STMN2: variants seen among roughly 807,000 people sequenced by gnomAD.
STMN2 encodes stathmin-2.
A neutral mutation model predicts 24.1 loss-of-function variants in STMN2; 2 were observed. The observed-to-expected ratio is 0.08, with a 90% CI of 0.03 to 0.26. The LOEUF (loss-of-function observed/expected upper bound fraction) is 0.26. Among genes scored for constraint, STMN2 ranks in the 10% least tolerant of loss-of-function variants. STMN2 has a pLI of 1.00. For missense variants in STMN2, 114 were observed against 213.6 expected, an observed-to-expected ratio of 0.53 and a Z score of 2.91; for synonymous variants, 83 against 77.5, an observed-to-expected ratio of 1.07 and a Z score of -0.37.
chr8:79,648,777 T>G (rs1810272430), intron 3 of STMN2, among the ~76,000 whole-genome samples: 1 of 152,168 alleles, frequency 6.6e-6, no homozygotes, highest in South Asian at 2.1e-4. Context: ...TTTTTAAATA[T>G]TATAAAATAT....
chr8:79,632,171 A>G (rs1336817201), intron 1 of STMN2, among the ~76,000 whole-genome samples: 1 of 152,176 alleles, frequency 6.6e-6, no homozygotes, highest in Non-Finnish European at 1.5e-5. Flanking sequence ...CTGCCTGGAA[A>G]TGACAGGGGT....
At chr8:79,616,339 A>G (rs1418914470) in intron 1 of STMN2, among the ~76,000 whole-genome samples, 1 of 152,278 alleles carries the variant, frequency 6.6e-6, no homozygotes, top group African/African-American at 2.4e-5. Flanking sequence ...GAAGAAATAT[A>G]TAAGTATAAA....
intron 4 of STMN2, among the ~76,000 whole-genome samples, chr8:79,658,151 G>C (rs186247299): frequency 6.6e-6 from 1 of 152,234 alleles, no homozygotes; most frequent in African/African-American, 2.4e-5. Context: ...TTAGCCAGCA[G>C]TGGTGGCACA....
chr8:79,638,260 A>C (rs1445130620), intron 2 of STMN2, among the ~76,000 whole-genome samples: 6 of 152,210 alleles, frequency 3.9e-5, no homozygotes, highest in African/African-American at 1.4e-4. Context: ...TAGAACACAG[A>C]GTGGTTAGGA....
intron 1 of STMN2, among the ~76,000 whole-genome samples, chr8:79,619,947 T>C (rs1180118654): frequency 6.6e-6 from 1 of 151,760 alleles, no homozygotes; most frequent in African/African-American, 2.4e-5. Context: ...GACTAAAAAA[T>C]GTTCAAAAGA....
At chr8:79,618,207 C>A (rs1317149554) in intron 1 of STMN2, among the ~76,000 whole-genome samples, 1 of 152,154 alleles carries the variant, frequency 6.6e-6, no homozygotes, top group African/African-American at 2.4e-5. Flanking sequence ...CAAATTGATG[C>A]CTAGTTTTAA....
intron 1 of STMN2, among the ~76,000 whole-genome samples, chr8:79,630,893 T>C (rs1010796410): frequency 2.9e-5 from 4 of 135,622 alleles, no homozygotes; most frequent in African/African-American, 1.2e-4. Flanking sequence ...TTTAGGAGCT[T>C]AGGGGGATAA....
intron 2 of STMN2, among the ~76,000 whole-genome samples, chr8:79,637,663 TC>T (rs1387405273): frequency 2.0e-5 from 3 of 152,194 alleles, no homozygotes; most frequent in Non-Finnish European, 4.4e-5. Context: ...ATTATATCAC[TC>T]TACAATGATA....
intron 2 of STMN2, among the ~76,000 whole-genome samples, chr8:79,638,625 T>C (rs1167896271): frequency 6.6e-6 from 1 of 152,226 alleles, no homozygotes; most frequent in African/African-American, 2.4e-5. Flanking sequence ...AAGCACTAAG[T>C]ATATGGCTTG....
chr8:79,665,236 A>G lies in STMN2; in HGVS notation c.*362A>G, dbSNP rs1806576766. ...AGGTCTGTTCTTTTTGAAGCTCCCC[A>G]TGTCTAACTCCATTCCAAAAGAAAA... is the stretch of plus-strand genomic sequence containing the variant. On this transcript the variant is annotated 3_prime_UTR_variant, in exon 5 of 5. Transcript: ENST00000220876. 5.8e-6 allele frequency: 1 copy of G among 173,214 alleles called. No homozygotes were observed. The highest frequency in any genetic ancestry group is 1.3e-4 in the South Asian group (1 of 7,878). The allele number at this position is 173,214 out of a possible 1,614,324, so 10.7% of individuals were successfully genotyped here.
In STMN2 at chr8:79,664,819, G is replaced by A. The variant is rs779040816; in HGVS notation, c.485G>A (p.Arg162Lys). 2.5e-6 allele frequency: 4 copies of A among 1,612,530 alleles called. No individual in the cohort carries two copies. The highest frequency in any genetic ancestry group is 2.2e-5 in the South Asian group (2 of 90,970). ...TCTTCCTTTTGTGTTTTTTAGGAGA[G>A]GCATGCTGCGGAGGTGCGCAGGAAC... is the stretch of plus-strand genomic sequence containing the variant. ...AIIERLQEKE[R>K]HAAEVRRNKE... Residue 162 changes from arginine (R) to lysine (K), a missense_variant, in exon 5 of 5, where the codon AGG becomes AAG. Coordinates refer to ENST00000220876, the MANE Select transcript of STMN2 (RefSeq NM_007029.4).
At chr8:79,622,574 A>AT (rs1356721466) in intron 1 of STMN2, among the ~76,000 whole-genome samples, 1 of 152,216 alleles carries the variant, frequency 6.6e-6, no homozygotes, top group Non-Finnish European at 1.5e-5. Context: ...ATAGTTAAGC[A>AT]TTTTATCTAG....
At chr8:79,664,721 C>G in intron 4 of STMN2, 94 bp from the exon 5 acceptor site, 1 of 1,182,844 alleles carries the variant, frequency 8.5e-7, no homozygotes, top group Non-Finnish European at 1.2e-6. Flanking sequence ...TAAAAGTAGA[C>G]ACCAAACTGG....
At chr8:79,615,773 T>A (rs1809369611) in intron 1 of STMN2, among the ~76,000 whole-genome samples, 1 of 152,220 alleles carries the variant, frequency 6.6e-6, no homozygotes, top group Non-Finnish European at 1.5e-5. Context: ...CTTGTACAAT[T>A]TTCAAGGAGA....
At chr8:79,615,589 T>G (rs959092231) in intron 1 of STMN2, among the ~76,000 whole-genome samples, 58 of 152,226 alleles carry the variant, frequency 3.8e-4, no homozygotes, top group African/African-American at 1.4e-3. Flanking sequence ...CCTCGGTGTC[T>G]GCATTAACTT....
chr8:79,617,576 A>G (rs1397205501), intron 1 of STMN2, among the ~76,000 whole-genome samples: 2 of 152,200 alleles, frequency 1.3e-5, no homozygotes, highest in African/African-American at 4.8e-5. Flanking sequence ...TTTCTTGTAC[A>G]TTGAAGGAAA....
chr8:79,616,437 G>C (rs148141262), intron 1 of STMN2, among the ~76,000 whole-genome samples: 6 of 152,088 alleles, frequency 3.9e-5, no homozygotes, highest in Admixed American at 3.9e-4. Flanking sequence ...TTCTAATCCA[G>C]CTATAAAATA....
In STMN2 at chr8:79,616,410, G is replaced by T. The variant is rs575351437; in HGVS notation, c.19+5196G>T. Reference sequence around the variant, plus strand: ...ATATGCATTGATAGAATTATTTTTTGATTACATTTTATGTAATTCTAATCC... The same window carrying T: ...ATATGCATTGATAGAATTATTTTTTTATTACATTTTATGTAATTCTAATCC... On this transcript the variant is annotated intron_variant, in intron 1 of 4. Coordinates refer to ENST00000220876, the MANE Select transcript of STMN2 (RefSeq NM_007029.4). Among the ~76,000 whole-genome samples the T allele has an allele frequency of 1.7e-4, 26 of 152,160 alleles. No individual in the cohort carries two copies. The South Asian group carries it at 5.0e-3, about 29-fold the overall frequency.
At chr8:79,660,376 G>A (rs554254748) in intron 4 of STMN2, among the ~76,000 whole-genome samples, 4 of 152,216 alleles carry the variant, frequency 2.6e-5, no homozygotes, top group Non-Finnish European at 4.4e-5. Flanking sequence ...TTTCAGTATC[G>A]TTTAGAAAGG....
Sources: gnomAD v4.1 joint callset for allele counts (sites outside exome capture counted in the v4.1 genomes callset) on GRCh38, gnomAD v4.1.1 for gene constraint, MANE v1.5 for transcripts, NCBI Gene and HGNC (gene_info 2026-07-23, HGNC 2026-07-21) for gene names.